PRLR: variants seen among roughly 807,000 people sequenced by gnomAD.
The protein encoded by PRLR is hPRL receptor.
A neutral mutation model predicts 40.2 loss-of-function variants in PRLR; 13 were observed. The observed-to-expected ratio is 0.32, with a 90% CI of 0.21 to 0.51. PRLR has a LOEUF of 0.51. Ranked by LOEUF, PRLR falls within the 20% of genes least tolerant of loss-of-function variation. PRLR has a pLI of 0.97. For synonymous variants in PRLR, 269 were observed against 278.7 expected (o/e 0.97, Z 0.35); for missense variants, 656 against 747.3 (o/e 0.88, Z 1.42).
At chr5:35,090,454 T>C (rs1771126834) in intron 2 of PRLR, among the ~76,000 whole-genome samples, 1 of 152,052 alleles carries the variant, frequency 6.6e-6, no homozygotes, top group South Asian at 2.1e-4. Context: ...TTTAAAGACA[T>C]TTGGAAAAAA....
chr5:35,122,392 C>A (rs1773321034), intron 1 of PRLR, among the ~76,000 whole-genome samples: 1 of 152,168 alleles, frequency 6.6e-6, no homozygotes, highest in African/African-American at 2.4e-5. Context: ...CGATGCTCTC[C>A]CTCCCCACGC....
chr5:35,086,344 G>C lies in PRLR; in HGVS notation c.71-4C>G. The C allele has an allele frequency of 6.2e-6, 10 of 1,612,840 alleles. No homozygotes were observed. Among genetic ancestry groups the C allele is most frequent in the Non-Finnish European group, 8.5e-6 (10 of 1,179,576 alleles). Reference sequence around the variant, plus strand: ...GGTTTTCCAGGAGGTAACTGTCCTAGAAAAAGCCAGAAGCCACTGCATCAA... The same window carrying C: ...GGTTTTCCAGGAGGTAACTGTCCTACAAAAAGCCAGAAGCCACTGCATCAA... On this transcript the variant is annotated splice_polypyrimidine_tract_variant and splice_region_variant and intron_variant, in intron 3 of 9. Transcript: ENST00000618457.
At chr5:35,224,046 A>G (rs1308342036) in intron 1 of PRLR, among the ~76,000 whole-genome samples, 4 of 152,208 alleles carry the variant, frequency 2.6e-5, no homozygotes, top group Admixed American at 2.6e-4. Flanking sequence ...TTTGCCAAAT[A>G]CAAGAGGCCT....
In PRLR at chr5:35,167,853, A is replaced by C. The variant is rs529806602; in HGVS notation, c.-105-49731T>G. The stretch of plus-strand genomic sequence containing the variant: ...GTTTTAAAAATTGTCATTGTTTAAA[A>C]TTTTTATAAAGCAGGGATTAAAATA... On this transcript the variant is annotated intron_variant, in intron 1 of 9. Coordinates refer to ENST00000618457, the MANE Select transcript of PRLR (RefSeq NM_000949.7). Among the ~76,000 whole-genome samples the C allele has an allele frequency of 1.2e-3, 163 of 135,320 alleles. 1 individual carries two copies. The highest frequency in any genetic ancestry group is 4.2e-3 in the African/African-American group (145 of 34,502). 88.8% of individuals were successfully genotyped at this position (135,320 alleles called of 152,430 possible).
At chr5:35,187,173 C>CTTTGGGAG (rs1775462735) in intron 1 of PRLR, among the ~76,000 whole-genome samples, 1 of 151,998 alleles carries the variant, frequency 6.6e-6, no homozygotes, top group Non-Finnish European at 1.5e-5. Context: ...GGTTGAGGCA[C>CTTTGGGAG]GTGGACCACT....
At chr5:35,048,799 C>T (rs1768371939) in exon 9 of PRLR, 1 of 227,590 alleles carries the variant, frequency 4.4e-6, no homozygotes, top group African/African-American at 2.2e-5. Context: ...GCGAAGAGTA[C>T]ATCTCTTCTA....
chr5:35,113,732 G>A (rs1482571211), intron 2 of PRLR, among the ~76,000 whole-genome samples: 2 of 152,226 alleles, frequency 1.3e-5, no homozygotes, highest in African/African-American at 4.8e-5. Context: ...AAGTGCTAAG[G>A]AGGACCCCTG....
chr5:35,050,158 C>T (rs1768444500), intron 8 of PRLR, among the ~76,000 whole-genome samples: 1 of 152,154 alleles, frequency 6.6e-6, no homozygotes, highest in Admixed American at 6.5e-5. Context: ...CTTGGCCTCC[C>T]AAAGTGCTGG....
At chr5:35,139,698 A>C (rs1331086118) in intron 1 of PRLR, among the ~76,000 whole-genome samples, 3 of 152,250 alleles carry the variant, frequency 2.0e-5, no homozygotes, top group African/African-American at 7.2e-5. Flanking sequence ...ACTCCATAGA[A>C]TAATTTGCAT....
chr5:35,206,097 C>T (rs1561364766), intron 1 of PRLR, among the ~76,000 whole-genome samples: 1 of 152,042 alleles, frequency 6.6e-6, no homozygotes, highest in East Asian at 1.9e-4. Context: ...GGACAGGTAG[C>T]CATTATGAGA....
At chr5:35,146,651 C>T (rs1023597206) in intron 1 of PRLR, among the ~76,000 whole-genome samples, 6 of 152,174 alleles carry the variant, frequency 3.9e-5, no homozygotes, top group African/African-American at 1.2e-4. Context: ...AATGTGGAGA[C>T]TTAATTCCTC....
chr5:35,093,272 G>A (rs779057802), intron 2 of PRLR, among the ~76,000 whole-genome samples: 1 of 152,128 alleles, frequency 6.6e-6, no homozygotes, highest in Non-Finnish European at 1.5e-5. Flanking sequence ...GGCCTCATGA[G>A]AGTTAAAAAT....
At chr5:35,211,588 AAG>A (rs570508526) in intron 1 of PRLR, among the ~76,000 whole-genome samples, 20 of 152,238 alleles carry the variant, frequency 1.3e-4, no homozygotes, top group Non-Finnish European at 2.5e-4. Context: ...TTGTAACAGA[AAG>A]AGTTACAAAA....
intron 1 of PRLR, among the ~76,000 whole-genome samples, chr5:35,209,837 ATC>A (rs1776124790): frequency 6.6e-6 from 1 of 152,216 alleles, no homozygotes; most frequent in Non-Finnish European, 1.5e-5. Context: ...TTATACTCTT[ATC>A]AACTGCCTTA....
At chr5:35,113,496 C>A (rs1772823073) in intron 2 of PRLR, among the ~76,000 whole-genome samples, 1 of 147,780 alleles carries the variant, frequency 6.8e-6, no homozygotes, top group Non-Finnish European at 1.5e-5. Flanking sequence ...CATCCACCCA[C>A]CCACCTATCT....
intron 1 of PRLR, among the ~76,000 whole-genome samples, chr5:35,119,193 C>A (rs1028711079): frequency 6.6e-5 from 10 of 152,162 alleles, no homozygotes; most frequent in African/African-American, 2.2e-4. Flanking sequence ...GGCAAATAAT[C>A]TAACCAGAGT....
intron 1 of PRLR, among the ~76,000 whole-genome samples, chr5:35,227,788 T>A (rs1431309836): frequency 6.6e-6 from 1 of 152,210 alleles, no homozygotes; most frequent in African/African-American, 2.4e-5. Flanking sequence ...GATATTTCTC[T>A]CTACAGTTTC....
At chr5:35,138,637 TA>T (rs1234301207) in intron 1 of PRLR, among the ~76,000 whole-genome samples, 1 of 152,216 alleles carries the variant, frequency 6.6e-6, no homozygotes, top group African/African-American at 2.4e-5. Flanking sequence ...TCTATATACT[TA>T]TTCTGTCTTA....
intron 2 of PRLR, among the ~76,000 whole-genome samples, chr5:35,114,241 G>T (rs1772874070): frequency 6.6e-6 from 1 of 152,112 alleles, no homozygotes; most frequent in South Asian, 2.1e-4. Context: ...TCTAGAGCTG[G>T]TCCTGTCATT....
Sources: allele counts gnomAD v4.1 joint callset (sites outside exome capture counted in the v4.1 genomes callset), GRCh38; gene constraint gnomAD v4.1.1; transcripts MANE v1.5; gene names NCBI Gene and HGNC (gene_info 2026-07-23, HGNC 2026-07-21).